Variants in ALDH3B2 observed in about 807,000 individuals in gnomAD.
ALDH3B2 encodes the protein aldehyde dehydrogenase 3 family member B2.
ALDH3B2 carries 45 observed loss-of-function variants against 36.7 expected under a neutral mutation model. The observed-to-expected ratio is 1.23, with a 90% CI of 0.97 to 1.57. ALDH3B2 has a LOEUF of 1.57. ALDH3B2 is among the 40% of genes most tolerant of loss of function. ALDH3B2 has a pLI of 0.00. For synonymous variants in ALDH3B2, 217 were observed against 226.5 expected (o/e 0.96, Z 0.38); for missense variants, 464 against 513.3 (o/e 0.90, Z 0.93).
At chr11:67,664,339 TG>T (rs1444961362) in intron 8 of ALDH3B2, 56 bp downstream of exon 8, 1 of 1,608,468 alleles carries the variant, frequency 6.2e-7, no homozygotes, top group Non-Finnish European at 8.5e-7. Context: ...AAAGGAAAGG[TG>T]CCAGTCTGTG....
In ALDH3B2 at chr11:67,665,423, A is replaced by T. The variant is rs746299588; in HGVS notation, c.568T>A (p.Phe190Ile). The change falls in exon 7 of 10, where the codon TTC becomes ATC. Residue 190 changes from phenylalanine (F) to isoleucine (I), a missense_variant. Coordinates refer to ENST00000349015, the Ensembl canonical transcript of ALDH3B2. ...GAGCTCTGGGGGTCGTCGCCATAGA[A>T]ACGGGTGATGGTGCTCTGCAGGGCG... 5.6e-6 allele frequency: 9 copies of T among 1,613,766 alleles called. No homozygotes were observed. The African/African-American group carries it at 1.2e-4, about 22-fold the overall frequency.
intron 2 of ALDH3B2, 41 bp downstream of exon 2, chr11:67,667,432 G>A (rs942663753): frequency 5.1e-5 from 18 of 351,220 alleles, no homozygotes; most frequent in South Asian, 9.1e-5. Flanking sequence ...GGACAGGGAC[G>A]CTGCTCCAGC....
At chr11:67,673,367 C>T (rs529620038) in intron 1 of ALDH3B2, among the ~76,000 whole-genome samples, 1 of 152,290 alleles carries the variant, frequency 6.6e-6, no homozygotes, top group South Asian at 2.1e-4. Context: ...AGTCTACACA[C>T]GGAACAATGA....
At chr11:67,669,422 G>A (rs12577169) in intron 1 of ALDH3B2, among the ~76,000 whole-genome samples, 123,297 of 144,730 alleles carry the variant, frequency 0.85, 53,085 homozygotes, top group South Asian at 0.95. Flanking sequence ...CTGTATGTGT[G>A]TGGGTGTGTG....
chr11:67,679,852 C>T (rs1333596376), intron 1 of ALDH3B2, among the ~76,000 whole-genome samples: 1 of 152,128 alleles, frequency 6.6e-6, no homozygotes, highest in Admixed American at 6.6e-5. Context: ...ACTTATTTTG[C>T]ACATAAATTG....
In ALDH3B2 at chr11:67,664,292, C is replaced by A; in HGVS notation, c.873+104G>T. The A allele has an allele frequency of 3.2e-6, 5 of 1,545,438 alleles. No individual in the cohort carries two copies. The South Asian group carries it at 5.8e-5, about 18-fold the overall frequency. ...GGCCTAGATATAGTCACCCTTGAGG[C>A]ATCTGCTGCTCTAAAGCCTTGCTGG... On this transcript the variant is annotated intron_variant, in intron 8 of 9. Coordinates refer to ENST00000349015, the Ensembl canonical transcript of ALDH3B2.
chr11:67,664,117 C>A (rs112039017), intron 8 of ALDH3B2: 2 of 581,142 alleles, frequency 3.4e-6, no homozygotes, highest in Non-Finnish European at 6.1e-6. Flanking sequence ...ACCTCCATTC[C>A]GGGCCTCTGC....
chr11:67,666,268 G>A (rs769013816), intron 5 of ALDH3B2, 48 bp downstream of exon 5: 1 of 1,612,464 alleles, frequency 6.2e-7, no homozygotes, highest in Non-Finnish European at 8.5e-7. Flanking sequence ...AGCCCACAGG[G>A]GTGATATATG....
At position 67,670,079 on chromosome 11, in the gene ALDH3B2, TGTGTCTGTGTGTGTATGG is replaced by T. The variant is rs1372939830; in HGVS notation, c.-244-2462_-244-2445del. Among the ~76,000 whole-genome samples the T allele has an allele frequency of 8.6e-4, 17 of 19,794 alleles. 1 individual carries two copies. Among genetic ancestry groups the T allele is most frequent in the Admixed American group, 1.6e-3 (2 of 1,222 alleles). The allele number at this position is 19,794 out of a possible 152,430, so 13.0% of individuals were successfully genotyped here. A position where few individuals can be genotyped will look rare whatever the true frequency, so the allele number is the denominator to read the frequency against. ...ATGTGTATGGGTGTGTGTGTCCACATGTGTCTGTGTGTGTATGGGTGTCTGTGTGTGTATGGGTGTCTG... is the reference window on the plus strand; with the variant it reads ...ATGTGTATGGGTGTGTGTGTCCACATGTGTCTGTGTGTGTATGGGTGTCTG... On this transcript the variant is annotated intron_variant, in intron 1 of 9. Coordinates refer to ENST00000349015, the Ensembl canonical transcript of ALDH3B2.
intron 8 of ALDH3B2, chr11:67,664,191 C>A (rs1009767306): frequency 9.3e-6 from 7 of 755,502 alleles, no homozygotes; most frequent in African/African-American, 3.5e-5. Context: ...AGAGGATGGA[C>A]CCGCTAAGTG....
intron 9 of ALDH3B2, 61 bp downstream of exon 9, chr11:67,663,601 T>C: frequency 6.6e-7 from 1 of 1,515,412 alleles, no homozygotes; most frequent in Non-Finnish European, 9.0e-7. Flanking sequence ...GTGAAGGGAC[T>C]TCCTGGGTCT....
intron 7 of ALDH3B2, among the ~76,000 whole-genome samples, chr11:67,664,782 G>T (rs1855850726): frequency 6.6e-6 from 1 of 152,230 alleles, no homozygotes; most frequent in South Asian, 2.1e-4. Flanking sequence ...GGGCCTGTGG[G>T]GCGCAGAGAA....
chr11:67,669,804 C>G (rs1238208095), intron 1 of ALDH3B2, among the ~76,000 whole-genome samples: 3 of 20,880 alleles, frequency 1.4e-4, no homozygotes, highest in Non-Finnish European at 2.9e-4. Flanking sequence ...GTGTGTGTGT[C>G]CACGTGTGTC....
intron 1 of ALDH3B2, among the ~76,000 whole-genome samples, chr11:67,674,207 G>A (rs1856210575): frequency 3.9e-5 from 6 of 152,192 alleles, no homozygotes; most frequent in Admixed American, 3.9e-4. Flanking sequence ...CTGCTTCCCA[G>A]GAGCCTGCCA....
upstream of ALDH3B2, among the ~76,000 whole-genome samples, chr11:67,678,699 T>C (rs1856314181): frequency 4.0e-5 from 3 of 74,636 alleles, no homozygotes; most frequent in South Asian, 2.4e-3. Context: ...ATATACACAC[T>C]ATGGTGTCTA....
chr11:67,666,502 C>A (rs1396521294), intron 4 of ALDH3B2, 72 bp downstream of exon 4: 1 of 1,607,224 alleles, frequency 6.2e-7, no homozygotes, highest in Non-Finnish European at 8.5e-7. Context: ...TACCTCAGAG[C>A]AAGATTCCAG....
chr11:67,672,313 G>A (rs1032061494), intron 1 of ALDH3B2, among the ~76,000 whole-genome samples: 1 of 150,552 alleles, frequency 6.6e-6, no homozygotes, highest in Non-Finnish European at 1.5e-5. Context: ...CTGCCACCAT[G>A]CCCGGCTAAT....
exon 7 of ALDH3B2, chr11:67,665,540 C>T (rs753685433): frequency 3.2e-5 from 51 of 1,613,928 alleles, no homozygotes; most frequent in African/African-American, 5.3e-5. Flanking sequence ...AACCAGGCCA[C>T]GCGGTTGGCC....
chr11:67,670,788 C>T (rs1301280570), intron 1 of ALDH3B2, among the ~76,000 whole-genome samples: 3 of 152,198 alleles, frequency 2.0e-5, no homozygotes, highest in South Asian at 2.1e-4. Flanking sequence ...GGCACAGGAC[C>T]CCCACACTCA....
Sources: allele counts gnomAD v4.1 joint callset (sites outside exome capture counted in the v4.1 genomes callset), GRCh38; gene constraint gnomAD v4.1.1; transcripts MANE v1.5; gene names NCBI Gene and HGNC (gene_info 2026-07-23, HGNC 2026-07-21).